MACROD1: variants seen among roughly 807,000 people sequenced by gnomAD.
MACROD1 encodes mono-ADP ribosylhydrolase 1.
In MACROD1, 31 loss-of-function variants were observed where a neutral mutation model predicts 41.4. That is an observed-to-expected ratio of 0.75 (90% CI 0.56 to 1.01). The LOEUF (loss-of-function observed/expected upper bound fraction) is 1.01, where lower values mean the gene tolerates loss of function less well. Ranked by LOEUF, MACROD1 falls within the 50% of genes least tolerant of loss-of-function variation. The pLI is 0.00. For synonymous variants in MACROD1, 252 were observed against 203.4 expected, an observed-to-expected ratio of 1.24 and a Z score of -2.03; for missense variants, 473 against 460.0, an observed-to-expected ratio of 1.03 and a Z score of -0.26.
Position 64,149,422 on chromosome 11 carries a change from G to A in MACROD1, c.517+1817C>T, listed in dbSNP as rs182636112. ...CAGCCCTGGCCCTGGTGCAAATGGA[G>A]CTGGCACTAAACCGCTTCTGATGGA... On this transcript the variant is annotated intron_variant, in intron 3 of 10. Coordinates refer to ENST00000255681, the MANE Select transcript of MACROD1 (RefSeq NM_014067.4). Among the ~76,000 whole-genome samples the A allele has an allele frequency of 2.0e-3, 303 of 152,280 alleles. 2 individuals carry two copies. The highest frequency in any genetic ancestry group is 6.9e-3 in the African/African-American group (285 of 41,548).
intron 3 of MACROD1, among the ~76,000 whole-genome samples, chr11:64,061,090 A>G (rs909400764): frequency 6.6e-6 from 1 of 152,070 alleles, no homozygotes; most frequent in Non-Finnish European, 1.5e-5. Context: ...ACCACCTGAG[A>G]GCCTCGCGCT....
At chr11:64,032,175 C>T (rs1590816121) in intron 3 of MACROD1, among the ~76,000 whole-genome samples, 1 of 152,210 alleles carries the variant, frequency 6.6e-6, no homozygotes, top group Non-Finnish European at 1.5e-5. Flanking sequence ...CCCCTGCCCC[C>T]AGCTGAGAAC....
At chr11:64,161,086 G>A (rs1044738926) in intron 1 of MACROD1, among the ~76,000 whole-genome samples, 38 of 152,018 alleles carry the variant, frequency 2.5e-4, no homozygotes, top group Admixed American at 1.9e-3. Flanking sequence ...CAGGAGAATC[G>A]CTTGAACCCA....
In MACROD1 at chr11:64,064,019, C is replaced by T. The variant is rs1295730935; in HGVS notation, c.518-48738G>A. Among the ~76,000 whole-genome samples, 1 of 152,146 alleles carries T rather than the reference C, an allele frequency of 6.6e-6. No homozygotes were observed. The highest frequency in any genetic ancestry group is 1.5e-5 in the Non-Finnish European group (1 of 68,026). ...TTGTCAGGCAGCCGCAGGGAGAGAG[C>T]GCATCTTCACTGGATCTTTGTAGGT... On this transcript the variant is annotated intron_variant, in intron 3 of 10. Coordinates refer to ENST00000255681, the MANE Select transcript of MACROD1 (RefSeq NM_014067.4). This position sits in a 1 kb window ranked among gnomAD's most constrained non-coding sequence, Gnocchi z 4.5.
intron 3 of MACROD1, among the ~76,000 whole-genome samples, chr11:64,131,340 G>A (rs1407509028): frequency 4.7e-5 from 7 of 150,318 alleles, no homozygotes; most frequent in Non-Finnish European, 8.9e-5. Context: ...CCCTCGGGAC[G>A]TTTTCTTTTT....
chr11:64,004,996 AGAG>A (rs1201006613), intron 4 of MACROD1, among the ~76,000 whole-genome samples: 1 of 115,248 alleles, frequency 8.7e-6, no homozygotes, highest in Non-Finnish European at 2.0e-5. Flanking sequence ...CCCCACAGTG[AGAG>A]GAGGAGCAGA....
intron 3 of MACROD1, among the ~76,000 whole-genome samples, chr11:64,086,657 G>A (rs1230676778): frequency 6.6e-6 from 1 of 152,166 alleles, no homozygotes; most frequent in African/African-American, 2.4e-5. Context: ...TCCTATTCAT[G>A]CTCCAGGGAC....
intron 1 of MACROD1, among the ~76,000 whole-genome samples, chr11:64,157,896 C>T (rs1272585910): frequency 6.6e-6 from 1 of 152,138 alleles, no homozygotes; most frequent in Non-Finnish European, 1.5e-5. Flanking sequence ...CGCTCACCGG[C>T]CCGCAAGAAC....
rs552604056 is a variant in MACROD1, at chr11:64,138,628, A to G, written c.517+12611T>C. ...GCTGACAGCCGGGCCTCTCTCCCCAACTGCGATGCCGCTCGGCTCTGGTTT... is the reference window on the plus strand; with the variant it reads ...GCTGACAGCCGGGCCTCTCTCCCCAGCTGCGATGCCGCTCGGCTCTGGTTT... On this transcript the variant is annotated intron_variant, in intron 3 of 10. Coordinates refer to ENST00000255681, the MANE Select transcript of MACROD1 (RefSeq NM_014067.4). 14 of 807,944 alleles carry G rather than the reference A, an allele frequency of 1.7e-5. No homozygotes were observed. In the Admixed American group the frequency reaches 2.5e-4, roughly 14 times the overall value. The allele number at this position is 807,944 out of a possible 1,614,324, so 50.0% of individuals were successfully genotyped here. A position where few individuals can be genotyped will look rare whatever the true frequency, so the allele number is the denominator to read the frequency against.
intron 3 of MACROD1, among the ~76,000 whole-genome samples, chr11:64,092,035 G>C (rs1316823050): frequency 6.6e-6 from 1 of 152,112 alleles, no homozygotes; most frequent in Non-Finnish European, 1.5e-5. Flanking sequence ...AGCTCCTGAG[G>C]GTCCCAAAAA....
intron 3 of MACROD1, among the ~76,000 whole-genome samples, chr11:64,147,194 T>C (rs1945507065): frequency 6.6e-6 from 1 of 151,440 alleles, no homozygotes; most frequent in Non-Finnish European, 1.5e-5. Context: ...GCCTCCCAAG[T>C]AGCTGGACTA....
intron 4 of MACROD1, among the ~76,000 whole-genome samples, chr11:64,007,250 G>A (rs1037726857): frequency 1.3e-5 from 2 of 152,330 alleles, no homozygotes; most frequent in Non-Finnish European, 2.9e-5. Context: ...TCCTGTGGCC[G>A]CAGCAGTTCT....
intron 3 of MACROD1, among the ~76,000 whole-genome samples, chr11:64,078,310 T>C (rs1349558632): frequency 3.3e-5 from 5 of 152,194 alleles, no homozygotes; most frequent in Non-Finnish European, 7.4e-5. Flanking sequence ...TTCTCCAGCC[T>C]GGACCCCTGC....
chr11:63,998,896 G>T (rs533483326), intron 9 of MACROD1, 24 bp from the exon 10 acceptor site: 1 of 1,594,472 alleles, frequency 6.3e-7, no homozygotes, highest in Non-Finnish European at 8.5e-7. Flanking sequence ...GACAGTGAGA[G>T]CCCGCCCCCA....
intron 3 of MACROD1, among the ~76,000 whole-genome samples, chr11:64,110,154 A>G (rs1462284160): frequency 6.6e-6 from 1 of 152,158 alleles, no homozygotes; most frequent in East Asian, 1.9e-4. Context: ...CTTGCTCAAA[A>G]TAACACAGCC....
Position 63,999,697 on chromosome 11 carries a change from C to CG in MACROD1, c.730dup (p.Arg244ProfsTer34). The CG allele has an allele frequency of 6.2e-7, 1 of 1,608,904 alleles. No homozygotes were observed. Among genetic ancestry groups the CG allele is most frequent in the Non-Finnish European group, 8.5e-7 (1 of 1,179,192 alleles). On this transcript the variant is annotated frameshift_variant, in exon 6 of 11. Coordinates refer to ENST00000255681, the MANE Select transcript of MACROD1 (RefSeq NM_014067.4). LOFTEE classifies it high-confidence loss of function. ...GTCCAGACTGCTCAGGTAGCAGCTGCGGAGCTCGGCAGCCTGACTGGCGCT... is the reference window on the plus strand; with the variant it reads ...GTCCAGACTGCTCAGGTAGCAGCTGCGGGAGCTCGGCAGCCTGACTGGCGCT...
chr11:64,024,177 C>A (rs533020064), intron 3 of MACROD1, among the ~76,000 whole-genome samples: 1 of 152,360 alleles, frequency 6.6e-6, no homozygotes, highest in South Asian at 2.1e-4. Context: ...AAACGCAAGT[C>A]AGCTGCTCGC....
At chr11:64,118,247 C>G in intron 3 of MACROD1, 1 of 1,604,420 alleles carries the variant, frequency 6.2e-7, no homozygotes. Flanking sequence ...CCACGCGGGG[C>G]TACCGGGACG....
rs1348600103 is a variant in MACROD1, at chr11:63,999,551, A to G, written c.796T>C (p.Cys266Arg). The change falls in exon 7 of 11, where the codon TGC becomes CGC. Residue 266 changes from cysteine to arginine, a missense_variant. Physicochemically the swap from Cys to Arg is radical, Grantham distance 180 (BLOSUM62 -3). Coordinates refer to ENST00000255681, the MANE Select transcript of MACROD1 (RefSeq NM_014067.4). ...EHRLRSVAFP[C>R]ISTGVFGYPC... Reference sequence around the variant, plus strand: ...TCACCAAACACGCCGGTGGAGATGCAGGGGAACGCCTGGGCGGGGAGGGGT... The same window carrying G: ...TCACCAAACACGCCGGTGGAGATGCGGGGGAACGCCTGGGCGGGGAGGGGT... 6.2e-7 allele frequency: 1 copy of G among 1,609,916 alleles called. No individual in the cohort carries two copies. Among genetic ancestry groups the G allele is most frequent in the Non-Finnish European group, 8.5e-7 (1 of 1,178,678 alleles).
Sources: allele counts gnomAD v4.1 joint callset (sites outside exome capture counted in the v4.1 genomes callset), GRCh38; gene constraint gnomAD v4.1.1; non-coding constraint Gnocchi (gnomAD v3.1); transcripts MANE v1.5; gene names NCBI Gene and HGNC (gene_info 2026-07-23, HGNC 2026-07-21).